The following MAP2K7 variants were observed in gnomAD, a reference collection of about 807,000 sequenced individuals.
MAP2K7 encodes mitogen-activated protein kinase kinase 7, also known as dual specificity mitogen-activated protein kinase kinase 7.
Under a neutral mutation model 47.7 loss-of-function variants are expected in MAP2K7, and 12 were observed. The ratio of observed to expected loss-of-function variants is 0.25; its 90% CI spans 0.16 to 0.41. MAP2K7 has a LOEUF of 0.41. Among genes scored for constraint, MAP2K7 ranks in the 10% least tolerant of loss-of-function variants. MAP2K7 has a pLI of 1.00. For synonymous variants in MAP2K7, 299 were observed against 243.0 expected (o/e 1.23, Z -2.14); for missense variants, 415 against 600.3 (o/e 0.69, Z 3.23).
chr19:7,912,978 G>T lies in MAP2K7; in HGVS notation c.*547G>T, dbSNP rs977675068. The stretch of plus-strand genomic sequence containing the variant: ...GCATAGGTCTCCCATGGCGCAATGA[G>T]TCAGTGGCCCCCAGCCAGGCAGTGT... On this transcript the variant is annotated 3_prime_UTR_variant, in exon 11 of 11. Transcript: ENST00000397979. The T allele has an allele frequency of 6.4e-6, 1 of 157,026 alleles. No homozygotes were observed. The highest frequency in any genetic ancestry group is 2.4e-5 in the African/African-American group (1 of 41,460). 9.7% of individuals were successfully genotyped at this position (157,026 alleles called of 1,614,324 possible).
chr19:7,904,716 C>G (rs1982334373), intron 1 of MAP2K7, among the ~76,000 whole-genome samples: 1 of 152,104 alleles, frequency 6.6e-6, no homozygotes, highest in South Asian at 2.1e-4. Flanking sequence ...CCCACATACA[C>G]CAGGCCCCGC....
chr19:7,911,646 G>A (rs1982880841), intron 9 of MAP2K7, 68 bp downstream of exon 9: 13 of 1,451,444 alleles, frequency 9.0e-6, no homozygotes, highest in East Asian at 7.4e-5. Flanking sequence ...GGAGGCAATG[G>A]CAGGAGGGGA....
intron 1 of MAP2K7, among the ~76,000 whole-genome samples, chr19:7,904,956 A>T (rs1982350682): frequency 6.6e-6 from 1 of 151,632 alleles, no homozygotes; most frequent in South Asian, 2.1e-4. Flanking sequence ...CTTTCTGATC[A>T]GTCCCACCAC....
Position 7,911,170 on chromosome 19 carries a change from G to GC in MAP2K7, c.855+17dup, listed in dbSNP as rs780105359. The GC allele has an allele frequency of 2.5e-6, 4 of 1,605,234 alleles. No individual in the cohort carries two copies. Among genetic ancestry groups the GC allele is most frequent in the Non-Finnish European group, 3.4e-6 (4 of 1,175,950 alleles). ...GCCGCCTACATGGCAGTGAGTGGGGGCCCCCCAGCGGGGGAGGGGGTGGGG... is the reference window on the plus strand; with the variant it reads ...GCCGCCTACATGGCAGTGAGTGGGGGCCCCCCCAGCGGGGGAGGGGGTGGGG... On this transcript the variant is annotated intron_variant, in intron 7 of 10. Coordinates refer to ENST00000397979, the MANE Select transcript of MAP2K7 (RefSeq NM_145185.4).
chr19:7,910,589 G>C lies in MAP2K7; in HGVS notation c.567+17G>C. 1 of 1,613,244 alleles carries C rather than the reference G, an allele frequency of 6.2e-7. No individual in the cohort carries two copies. Among genetic ancestry groups the C allele is most frequent in the Non-Finnish European group, 8.5e-7 (1 of 1,179,860 alleles). On this transcript the variant is annotated intron_variant, in intron 5 of 10. Coordinates refer to ENST00000397979, the MANE Select transcript of MAP2K7 (RefSeq NM_145185.4). Reference sequence around the variant, plus strand: ...ATCACCAACGTGAGTACCTGGCCGCGCCCTGCAGCGTCTCCTCCTCCCTCA... The same window carrying C: ...ATCACCAACGTGAGTACCTGGCCGCCCCCTGCAGCGTCTCCTCCTCCCTCA...
intron 1 of MAP2K7, among the ~76,000 whole-genome samples, chr19:7,905,381 G>A (rs958848621): frequency 6.6e-6 from 1 of 152,152 alleles, no homozygotes; most frequent in Non-Finnish European, 1.5e-5. Context: ...TCCTTGGGGA[G>A]TCTCTTGGGG....
At chr19:7,910,616 C>T (rs765144161) in intron 5 of MAP2K7, 44 bp downstream of exon 5, 10 of 1,612,176 alleles carry the variant, frequency 6.2e-6, no homozygotes, top group Non-Finnish European at 8.5e-6. Context: ...CCTCCCTCAC[C>T]CCTGCCCCTT....
In MAP2K7 at chr19:7,912,599, A is replaced by G. The variant is rs1982970812; in HGVS notation, c.*168A>G. 4.1e-6 allele frequency: 3 copies of G among 730,264 alleles called. No homozygotes were observed. The highest frequency in any genetic ancestry group is 4.0e-5 in the Admixed American group (1 of 24,724). 45.2% of individuals were successfully genotyped at this position (730,264 alleles called of 1,614,324 possible). On this transcript the variant is annotated 3_prime_UTR_variant, in exon 11 of 11. Coordinates refer to ENST00000397979, the MANE Select transcript of MAP2K7 (RefSeq NM_145185.4). ...CACCCACCCCCCCCGCCCCGGGCCT[A>G]CCAAGCCCCCGCCCTTCCCACCCCG...
rs999551392 is a variant in MAP2K7, at chr19:7,912,673, C to T, written c.*242C>T. 1.7e-4 allele frequency: 95 copies of T among 570,274 alleles called. No individual in the cohort carries two copies. The highest frequency in any genetic ancestry group is 2.4e-4 in the Non-Finnish European group (78 of 322,326). 35.3% of individuals were successfully genotyped at this position (570,274 alleles called of 1,614,324 possible). On this transcript the variant is annotated 3_prime_UTR_variant, in exon 11 of 11. Transcript: ENST00000397979. ...CCCGACAGACACTGTGAACGGAAGA[C>T]AGCAGGCCGCGATCAGAGTCGCTGT...
chr19:7,910,613 C>T, intron 5 of MAP2K7, 41 bp downstream of exon 5: 1 of 1,612,084 alleles, frequency 6.2e-7, no homozygotes, highest in South Asian at 1.1e-5. Context: ...CCTCCTCCCT[C>T]ACCCCTGCCC....
Position 7,912,796 on chromosome 19 carries a change from C to T in MAP2K7, c.*365C>T, listed in dbSNP as rs1008188170. On this transcript the variant is annotated 3_prime_UTR_variant, in exon 11 of 11. Coordinates refer to ENST00000397979, the MANE Select transcript of MAP2K7 (RefSeq NM_145185.4). Reference sequence around the variant, plus strand: ...CATGCACGCTCCCAGCGTGCTGTGTCCTTCGCCACTCCCACGCGCCCGTTC... The same window carrying T: ...CATGCACGCTCCCAGCGTGCTGTGTTCTTCGCCACTCCCACGCGCCCGTTC... 3.6e-6 allele frequency: 1 copy of T among 279,234 alleles called. No homozygotes were observed. The highest frequency in any genetic ancestry group is 2.2e-5 in the African/African-American group (1 of 44,914). 17.3% of individuals were successfully genotyped at this position (279,234 alleles called of 1,614,324 possible). A position where few individuals can be genotyped will look rare whatever the true frequency, so the allele number is the denominator to read the frequency against.
chr19:7,911,075 C>A lies in MAP2K7; in HGVS notation c.771C>A (p.Ile257=). The A allele has an allele frequency of 6.2e-7, 1 of 1,612,708 alleles. No homozygotes were observed. Among genetic ancestry groups the A allele is most frequent in the African/African-American group, 1.3e-5 (1 of 75,040 alleles). The change falls in exon 7 of 11, where the codon ATC becomes ATA. Residue 257 remains isoleucine, a synonymous_variant. Transcript: ENST00000397979. The part of the protein sequence containing the change: ...SNILLDERGQ[I]KLCDFGISGR... ...TCCTGCTGGACGAGCGGGGCCAGAT[C>A]AAGCTCTGCGACTTCGGCATCAGCG...
chr19:7,903,902 A>G lies in MAP2K7; in HGVS notation c.-43A>G. The G allele has an allele frequency of 7.0e-7, 1 of 1,437,446 alleles. No homozygotes were observed. Among genetic ancestry groups the G allele is most frequent in the South Asian group, 1.3e-5 (1 of 75,598 alleles). The allele number at this position is 1,437,446 out of a possible 1,614,324, so 89.0% of individuals were successfully genotyped here. A position where few individuals can be genotyped will look rare whatever the true frequency, so the allele number is the denominator to read the frequency against. ...AGTGCGGTGTTTGTCTGCCGGACTG[A>G]CGGGCGGCCGGGCGGTGCGCGGCGG... On this transcript the variant is annotated 5_prime_UTR_variant, in exon 1 of 11. Transcript: ENST00000397979.
In MAP2K7 at chr19:7,912,389, T is replaced by A. The variant is rs774010501; in HGVS notation, c.1218T>A (p.Thr406=). The part of the protein sequence containing the change: ...DVMAKTESPR[T]SGVLSQPHLP... Reference sequence around the variant, plus strand: ...TGGCGAAGACTGAGTCACCGCGGACTAGCGGCGTCCTGAGCCAGCCCCACC... The same window carrying A: ...TGGCGAAGACTGAGTCACCGCGGACAAGCGGCGTCCTGAGCCAGCCCCACC... Residue 406 remains threonine (T), a synonymous_variant, in exon 11 of 11, where the codon ACT becomes ACA. Transcript: ENST00000397979. The A allele has an allele frequency of 7.4e-6, 12 of 1,612,784 alleles. No individual in the cohort carries two copies. Among genetic ancestry groups the A allele is most frequent in the Non-Finnish European group, 1.0e-5 (12 of 1,179,990 alleles).
Position 7,912,038 on chromosome 19 carries a change from C to G in MAP2K7, c.1080-111C>G, listed in dbSNP as rs576812742. 2.6e-5 allele frequency: 25 copies of G among 945,868 alleles called. 1 individual carries two copies. The African/African-American group carries it at 3.6e-4, about 14-fold the overall frequency. The allele number at this position is 945,868 out of a possible 1,614,324, so 58.6% of individuals were successfully genotyped here. On this transcript the variant is annotated intron_variant, in intron 9 of 10. Transcript: ENST00000397979. ...TGAGGACATCCACAGCTCCTTCCCC[C>G]ACACACATCTTGGGGACCCCTGGCC... is the stretch of plus-strand genomic sequence containing the variant.
chr19:7,904,501 C>T (rs1982313393), intron 1 of MAP2K7: 3 of 324,382 alleles, frequency 9.2e-6, no homozygotes, highest in Non-Finnish European at 1.2e-5. Context: ...CAGCCCCGTG[C>T]AGCGACGATC....
In MAP2K7 at chr19:7,911,240, C is replaced by G. The variant is rs201487347; in HGVS notation, c.856-10C>G. 1.8e-5 allele frequency: 29 copies of G among 1,609,182 alleles called. 1 individual carries two copies. The highest frequency in any genetic ancestry group is 1.7e-4 in the Middle Eastern group (1 of 5,968). ...CCTTGGAGATACGTCTTCTCCTCCC[C>G]CCCCTGCAGCCCGAGCGCATTGACC... On this transcript the variant is annotated splice_polypyrimidine_tract_variant and intron_variant, in intron 7 of 10. Transcript: ENST00000397979.
rs565001025 is a variant in MAP2K7, at chr19:7,906,056, C to T, written c.124+1988C>T. ...CCTCTGCGTCCTCCCTCCTCCTCCC[C>T]CTCCCTTACTCCCAGCTCCACTTTG... On this transcript the variant is annotated intron_variant, in intron 1 of 10. Transcript: ENST00000397979. The T allele has an allele frequency of 6.9e-4, 419 of 609,802 alleles. 2 individuals carry two copies. In the African/African-American group the frequency reaches 6.9e-3, roughly 10 times the overall value. 37.8% of individuals were successfully genotyped at this position (609,802 alleles called of 1,614,324 possible). A position where few individuals can be genotyped will look rare whatever the true frequency, so the allele number is the denominator to read the frequency against.
chr19:7,909,574 CTG>C (rs1982679028), intron 1 of MAP2K7, among the ~76,000 whole-genome samples, 179 bp from the exon 2 acceptor site: 1 of 152,184 alleles, frequency 6.6e-6, no homozygotes, highest in Non-Finnish European at 1.5e-5. Context: ...TGAGAACAGT[CTG>C]GGGTGGGAGG....
Sources: gnomAD v4.1 joint callset for allele counts (sites outside exome capture counted in the v4.1 genomes callset) on GRCh38, gnomAD v4.1.1 for gene constraint, MANE v1.5 for transcripts, NCBI Gene and HGNC (gene_info 2026-07-23, HGNC 2026-07-21) for gene names.